The following CWF19L2 variants were observed in gnomAD, a reference collection of about 807,000 sequenced individuals.
CWF19L2 encodes CWF19 like cell cycle control factor 2, also known as CWF19-like protein 2.
CWF19L2 carries 98 observed loss-of-function variants against 111.7 expected under a neutral mutation model. That is an observed-to-expected ratio of 0.88 (90% confidence interval 0.75 to 1.04). CWF19L2 has a LOEUF of 1.04. Among genes scored for constraint, CWF19L2 ranks in the 50% least tolerant of loss-of-function variants. The pLI, the probability that CWF19L2 is intolerant of heterozygous loss-of-function variation, is 0.00. For synonymous variants in CWF19L2, 351 were observed against 342.9 expected, an observed-to-expected ratio of 1.02 and a Z score of -0.26; for missense variants, 1,101 against 1,051.4, an observed-to-expected ratio of 1.05 and a Z score of -0.65.
At chr11:107,346,568 G>A (rs1860083699) in intron 14 of CWF19L2, among the ~76,000 whole-genome samples, 1 of 152,158 alleles carries the variant, frequency 6.6e-6, no homozygotes, top group Non-Finnish European at 1.5e-5. Context: ...AGTACTTATG[G>A]ACGTGGAGGT....
intron 12 of CWF19L2, among the ~76,000 whole-genome samples, chr11:107,369,568 G>C (rs1411401862): frequency 7.3e-6 from 1 of 137,614 alleles, no homozygotes; most frequent in Non-Finnish European, 1.6e-5. Flanking sequence ...TTTGAATCCT[G>C]CCTCTTTTAC....
At chr11:107,387,771 G>T (rs1008614242) in intron 12 of CWF19L2, among the ~76,000 whole-genome samples, 2 of 152,176 alleles carry the variant, frequency 1.3e-5, no homozygotes, top group Non-Finnish European at 2.9e-5. Flanking sequence ...TCTTGTCGCT[G>T]ATCTGACAGA....
At chr11:107,444,233 C>T (rs756086065) in intron 3 of CWF19L2, among the ~76,000 whole-genome samples, 3 of 151,904 alleles carry the variant, frequency 2.0e-5, no homozygotes, top group Non-Finnish European at 2.9e-5. Flanking sequence ...CGCCTTCACA[C>T]TCTCACTTTC....
Position 107,364,545 on chromosome 11 carries a change from A to G in CWF19L2, c.1873-10809T>C, listed in dbSNP as rs1231250274. ...CACTCAAAACCGCTCAACTACATGG[A>G]AACTGAACAACCTGCTCCTGAATGA... On this transcript the variant is annotated intron_variant, in intron 12 of 17. Transcript: ENST00000282251. Among the ~76,000 whole-genome samples, 1,329 of 142,718 alleles carry G rather than the reference A, an allele frequency of 9.3e-3. 14 individuals are homozygous for G. The highest frequency in any genetic ancestry group is 0.035 in the African/African-American group (1,224 of 35,444). The allele number at this position is 142,718 out of a possible 152,430, so 93.6% of individuals were successfully genotyped here.
At chr11:107,441,695 A>G in intron 4 of CWF19L2, 73 bp from the exon 5 acceptor site, 1 of 1,364,968 alleles carries the variant, frequency 7.3e-7, no homozygotes, top group South Asian at 1.9e-5. Context: ...AGAATTTAAT[A>G]AACACTTGGT....
At position 107,353,532 on chromosome 11, in the gene CWF19L2, C is replaced by A. The variant is rs1191777195; in HGVS notation, c.2077G>T (p.Gly693Cys). The A allele has an allele frequency of 6.2e-7, 1 of 1,612,128 alleles. No individual in the cohort carries two copies. Among genetic ancestry groups the A allele is most frequent in the East Asian group, 2.2e-5 (1 of 44,872 alleles). Residue 693 changes from glycine (G) to cysteine (C), a missense_variant, in exon 13 of 18, where the codon GGT (glycine) becomes TGT (cysteine). By Grantham distance (159) the Gly-to-Cys change is radical. Coordinates refer to ENST00000282251, the MANE Select transcript of CWF19L2 (RefSeq NM_152434.3). ...QFPKHLIVAI[G>C]VKVYLCLPNV... is the part of the protein sequence containing the mutation. ...TAATAAATACTTCTTACCTTAACAC[C>A]TATTGCAACAATAAGATGCTTGGGA...
intron 12 of CWF19L2, among the ~76,000 whole-genome samples, chr11:107,357,949 TC>T (rs1244848653): frequency 6.6e-6 from 1 of 152,180 alleles, no homozygotes; most frequent in African/African-American, 2.4e-5. Context: ...AAAATATGCC[TC>T]TTCATCATTT....
chr11:107,383,862 C>G (rs1037670112), intron 12 of CWF19L2, among the ~76,000 whole-genome samples: 1 of 152,212 alleles, frequency 6.6e-6, no homozygotes, highest in Non-Finnish European at 1.5e-5. Context: ...AACATGAAAT[C>G]TTTCCTGTGC....
intron 14 of CWF19L2, among the ~76,000 whole-genome samples, chr11:107,343,693 TTTTGA>T (rs1248029516): frequency 6.6e-6 from 1 of 152,136 alleles, no homozygotes; most frequent in East Asian, 1.9e-4. Flanking sequence ...CAGAATTCCA[TTTTGA>T]TTTATTTAGT....
chr11:107,404,569 A>G (rs1226382326), intron 10 of CWF19L2: 1 of 641,936 alleles, frequency 1.6e-6, no homozygotes, highest in African/African-American at 1.8e-5. Flanking sequence ...GAGGTGGGGC[A>G]TAAGATGGTC....
chr11:107,335,018 C>A (rs1859902108), intron 15 of CWF19L2, 57 bp from the exon 16 acceptor site: 3 of 1,049,612 alleles, frequency 2.9e-6, no homozygotes, highest in South Asian at 2.6e-5. Flanking sequence ...TAAAAAGAAA[C>A]AGCTTATAAC....
At chr11:107,379,345 T>C (rs567239575) in intron 12 of CWF19L2, among the ~76,000 whole-genome samples, 41 of 152,358 alleles carry the variant, frequency 2.7e-4, no homozygotes, top group African/African-American at 9.6e-4. Flanking sequence ...GAGGGGTTGC[T>C]ATTGGTATTT....
In CWF19L2 at chr11:107,455,700, G is replaced by C. The variant is rs1228356827; in HGVS notation, c.182C>G (p.Pro61Arg). 1.9e-6 allele frequency: 3 copies of C among 1,550,484 alleles called. No individual in the cohort carries two copies. Among genetic ancestry groups the C allele is most frequent in the African/African-American group, 2.7e-5 (2 of 72,962 alleles). The change falls in exon 2 of 18, where the codon CCT becomes CGT. Residue 61 changes from proline to arginine, a missense_variant. Transcript: ENST00000282251. ...RLRGEDTWML[P>R]DVNERIEQFS... Reference sequence around the variant, plus strand: ...CTGTTCAATTCTCTCATTCACATCAGGTAGCATCCATGTATCCTCACCCCG... The same window carrying C: ...CTGTTCAATTCTCTCATTCACATCACGTAGCATCCATGTATCCTCACCCCG...
At chr11:107,398,709 A>G (rs1352506631) in intron 10 of CWF19L2, among the ~76,000 whole-genome samples, 1 of 152,220 alleles carries the variant, frequency 6.6e-6, no homozygotes, top group African/African-American at 2.4e-5. Context: ...TCACAAAAAC[A>G]TCTTTGCCTA....
intron 10 of CWF19L2, among the ~76,000 whole-genome samples, chr11:107,398,564 G>T (rs140162846): frequency 2.8e-3 from 419 of 152,268 alleles, no homozygotes; most frequent in African/African-American, 9.2e-3. Flanking sequence ...AGAATAATCG[G>T]TATACCTGAG....
chr11:107,351,250 T>C (rs562777089), intron 13 of CWF19L2, among the ~76,000 whole-genome samples: 16 of 152,262 alleles, frequency 1.1e-4, no homozygotes, highest in East Asian at 3.9e-4. Flanking sequence ...TTCTGAAATA[T>C]AGCCAACAGA....
intron 12 of CWF19L2, among the ~76,000 whole-genome samples, chr11:107,389,791 A>C (rs1860821334): frequency 6.6e-6 from 1 of 152,172 alleles, no homozygotes; most frequent in African/African-American, 2.4e-5. Context: ...CTCTGGCTTA[A>C]CATTTTCTCT....
chr11:107,327,050 T>C lies in CWF19L2; in HGVS notation c.2545A>G (p.Ile849Val), dbSNP rs1194936628. 1.3e-6 allele frequency: 2 copies of C among 1,587,590 alleles called. No homozygotes were observed. Among genetic ancestry groups the C allele is most frequent in the East Asian group, 2.3e-5 (1 of 44,234 alleles). The change falls in exon 18 of 18, where the codon ATC becomes GTC. Residue 849 changes from isoleucine (I) to valine (V), a missense_variant. Physicochemically the swap from Ile to Val is conservative, Grantham distance 29. Coordinates refer to ENST00000282251, the MANE Select transcript of CWF19L2 (RefSeq NM_152434.3). ...HKFPHYFGKEIIGGMLDIEPR... is the reference protein window; with the variant it reads ...HKFPHYFGKEVIGGMLDIEPR... ...TCTATATCCAGCATCCCACCTATGA[T>C]TTCCTTTTAAAGAAAGAGAAAAGCA...
At chr11:107,436,057 G>C (rs1033574546) in intron 6 of CWF19L2, among the ~76,000 whole-genome samples, 1 of 151,870 alleles carries the variant, frequency 6.6e-6, no homozygotes, top group Admixed American at 6.6e-5. Flanking sequence ...GGGAGGCTGA[G>C]GCAGGAGAAT....
Sources: allele counts gnomAD v4.1 joint callset (sites outside exome capture counted in the v4.1 genomes callset), GRCh38; gene constraint gnomAD v4.1.1; transcripts MANE v1.5; gene names NCBI Gene and HGNC (gene_info 2026-07-23, HGNC 2026-07-21).